The following TECRL variants were observed in gnomAD, a reference collection of about 807,000 sequenced individuals.
The protein encoded by TECRL is trans-2,3-enoyl-CoA reductase-like.
TECRL carries 63 observed loss-of-function variants against 52.8 expected under a neutral mutation model. The observed-to-expected ratio is 1.19, with a 90% CI of 0.97 to 1.47. The LOEUF (loss-of-function observed/expected upper bound fraction) is 1.47. Among genes scored for constraint, TECRL ranks in the 40% most tolerant of loss-of-function variants. TECRL has a pLI of 0.00. For missense variants in TECRL, 482 were observed against 429.6 expected (o/e 1.12, Z -1.08); for synonymous variants, 164 against 141.9 (o/e 1.16, Z -1.10).
chr4:64,328,413 A>G, intron 3 of TECRL, 99 bp downstream of exon 3: 1 of 961,418 alleles, frequency 1.0e-6, no homozygotes, highest in Non-Finnish European at 1.6e-6. Flanking sequence ...AATAATACTA[A>G]TATTTGTATA....
chr4:64,340,393 G>T (rs1338698881), intron 2 of TECRL, among the ~76,000 whole-genome samples: 1 of 152,214 alleles, frequency 6.6e-6, no homozygotes, highest in Non-Finnish European at 1.5e-5. Context: ...GCCTTCACAG[G>T]GTTGAAAGTG....
chr4:64,341,035 T>C (rs183330861), intron 2 of TECRL, among the ~76,000 whole-genome samples: 1 of 152,180 alleles, frequency 6.6e-6, no homozygotes, highest in East Asian at 1.9e-4. Flanking sequence ...TCCTCTCTGC[T>C]GAGAGCTGCA....
chr4:64,388,050 A>AT (rs947138682), intron 1 of TECRL, among the ~76,000 whole-genome samples: 8 of 151,220 alleles, frequency 5.3e-5, no homozygotes, highest in African/African-American at 1.7e-4. Flanking sequence ...CATCTTATTA[A>AT]TTTTTTTTCA....
At chr4:64,322,548 G>A (rs1006377783) in intron 4 of TECRL, 141 bp downstream of exon 4, 13 of 459,726 alleles carry the variant, frequency 2.8e-5, no homozygotes, top group Admixed American at 2.3e-4. Flanking sequence ...TTGGCCACTC[G>A]TCATAGTAAG....
chr4:64,337,996 A>G (rs1719242897), intron 2 of TECRL, among the ~76,000 whole-genome samples: 1 of 152,212 alleles, frequency 6.6e-6, no homozygotes, highest in African/African-American at 2.4e-5. Context: ...CCAAAAGAAC[A>G]AAGCTGGAGG....
chr4:64,291,955 G>C (rs1577811490), intron 8 of TECRL, among the ~76,000 whole-genome samples: 1 of 151,860 alleles, frequency 6.6e-6, no homozygotes, highest in South Asian at 2.1e-4. Context: ...TATTAATTTG[G>C]CAACTTCTTA....
chr4:64,278,140 C>T lies in TECRL; in HGVS notation c.*1932G>A, dbSNP rs1722640909. 6.6e-6 allele frequency: 1 copy of T among 151,146 alleles called. No individual in the cohort carries two copies. The highest frequency in any genetic ancestry group is 2.1e-4 in the South Asian group (1 of 4,826). The allele number at this position is 151,146 out of a possible 1,614,324, so 9.4% of individuals were successfully genotyped here. The stretch of plus-strand genomic sequence containing the variant: ...TCAGAAGATGTATAAATATAATTTA[C>T]ATACAAATATAATCTATATATTTCA... On this transcript the variant is annotated 3_prime_UTR_variant, in exon 12 of 12. Transcript: ENST00000381210.
At chr4:64,318,372 T>C (rs1717657728) in intron 4 of TECRL, among the ~76,000 whole-genome samples, 1 of 152,094 alleles carries the variant, frequency 6.6e-6, no homozygotes, top group African/African-American at 2.4e-5. Flanking sequence ...AAATGTAATG[T>C]AAAATTTAAA....
At chr4:64,338,636 A>C (rs1485907251) in intron 2 of TECRL, among the ~76,000 whole-genome samples, 5 of 152,264 alleles carry the variant, frequency 3.3e-5, no homozygotes, top group Admixed American at 3.3e-4. Context: ...ATGAACAGAT[A>C]CTTCTCAAAA....
intron 2 of TECRL, among the ~76,000 whole-genome samples, chr4:64,367,848 T>C (rs1721709510): frequency 1.3e-5 from 2 of 152,174 alleles, no homozygotes; most frequent in Admixed American, 1.3e-4. Context: ...TGCTGAAATA[T>C]TTATTTCAAT....
intron 1 of TECRL, among the ~76,000 whole-genome samples, chr4:64,393,616 G>A (rs1723707966): frequency 6.6e-6 from 1 of 151,836 alleles, no homozygotes; most frequent in African/African-American, 2.4e-5. Context: ...CAGACTTAGA[G>A]TTCATAGCTT....
intron 1 of TECRL, among the ~76,000 whole-genome samples, chr4:64,384,723 C>A (rs1275438051): frequency 2.0e-5 from 3 of 152,004 alleles, no homozygotes; most frequent in Non-Finnish European, 2.9e-5. Context: ...CAGGTTGTGG[C>A]TGGTTTATCT....
chr4:64,285,763 AG>A (rs1176925146), intron 9 of TECRL, among the ~76,000 whole-genome samples: 1 of 152,128 alleles, frequency 6.6e-6, no homozygotes, highest in African/African-American at 2.4e-5. Flanking sequence ...AGTTGAGGCC[AG>A]AGGTTGTCAT....
At chr4:64,363,342 A>C (rs1430871980) in intron 2 of TECRL, among the ~76,000 whole-genome samples, 2 of 152,152 alleles carry the variant, frequency 1.3e-5, no homozygotes, top group East Asian at 1.9e-4. Context: ...AATTGTTTGA[A>C]GTGCTCGTTC....
intron 2 of TECRL, among the ~76,000 whole-genome samples, chr4:64,345,536 A>T (rs1425305692): frequency 2.7e-5 from 3 of 110,302 alleles, no homozygotes; most frequent in African/African-American, 7.3e-5. Flanking sequence ...AACATCACAC[A>T]CCGGGGCCTG....
intron 2 of TECRL, among the ~76,000 whole-genome samples, chr4:64,365,584 A>G (rs1721538164): frequency 6.6e-6 from 1 of 152,148 alleles, no homozygotes; most frequent in Non-Finnish European, 1.5e-5. Context: ...CTACACACCA[A>G]TAGTACTAAA....
At chr4:64,313,727 C>T (rs916372840) in intron 5 of TECRL, among the ~76,000 whole-genome samples, 4 of 150,528 alleles carry the variant, frequency 2.7e-5, no homozygotes, top group Admixed American at 6.6e-5. Flanking sequence ...GTGATCCACC[C>T]GCCTAGGCCT....
At chr4:64,315,401 GAA>G (rs1717428593) in intron 4 of TECRL, among the ~76,000 whole-genome samples, 1 of 152,070 alleles carries the variant, frequency 6.6e-6, no homozygotes, top group African/African-American at 2.4e-5. Context: ...GAAAAAAGAC[GAA>G]GTGATTGCAA....
intron 2 of TECRL, among the ~76,000 whole-genome samples, chr4:64,339,709 C>A (rs1719413865): frequency 6.6e-6 from 1 of 151,996 alleles, no homozygotes; most frequent in African/African-American, 2.4e-5. Flanking sequence ...CAACTCTTTC[C>A]CCGCGTCTTA....
Sources: allele counts gnomAD v4.1 joint callset (sites outside exome capture counted in the v4.1 genomes callset), GRCh38; gene constraint gnomAD v4.1.1; transcripts MANE v1.5; gene names NCBI Gene and HGNC (gene_info 2026-07-23, HGNC 2026-07-21).